NECTIN1: variants seen among roughly 807,000 people sequenced by gnomAD.
NECTIN1 encodes nectin cell adhesion molecule 1.
In NECTIN1, 23 loss-of-function variants were observed where a neutral mutation model predicts 48.0. The ratio of observed to expected loss-of-function variants is 0.48; its 90% confidence interval spans 0.34 to 0.68. The LOEUF is 0.68. Among genes scored for constraint, NECTIN1 ranks in the 30% least tolerant of loss-of-function variants. NECTIN1 has a pLI of 0.01. For missense variants in NECTIN1, 591 were observed against 709.9 expected, an observed-to-expected ratio of 0.83 and a Z score of 1.90; for synonymous variants, 270 against 288.9, an observed-to-expected ratio of 0.93 and a Z score of 0.66.
chr11:119,717,700 G>A lies in NECTIN1; in HGVS notation c.79+10775C>T, dbSNP rs80060286. ...GCCACTGATTCAAAACCCTCAAAGG[G>A]GCCCGGTCCCAGAGGGCAGAGGAGA... On this transcript the variant is annotated intron_variant, in intron 1 of 5. Coordinates refer to ENST00000264025, the MANE Select transcript of NECTIN1 (RefSeq NM_002855.5). Among the ~76,000 whole-genome samples the A allele has an allele frequency of 5.1e-3, 781 of 152,278 alleles. 4 individuals are homozygous for A. Among genetic ancestry groups the A allele is most frequent in the African/African-American group, 0.018 (756 of 41,546 alleles).
chr11:119,705,003 A>T (rs1284175750), intron 1 of NECTIN1, among the ~76,000 whole-genome samples: 1 of 152,242 alleles, frequency 6.6e-6, no homozygotes, highest in Non-Finnish European at 1.5e-5. Flanking sequence ...TCCTGACCTC[A>T]GAGAGTGCTA....
chr11:119,662,713 G>T lies in NECTIN1; in HGVS notation c.*2034C>A. 5 of 985,488 alleles carry T rather than the reference G, an allele frequency of 5.1e-6. No homozygotes were observed. Among genetic ancestry groups the T allele is most frequent in the Non-Finnish European group, 4.8e-6 (4 of 830,000 alleles). 61.0% of individuals were successfully genotyped at this position (985,488 alleles called of 1,614,324 possible). A position where few individuals can be genotyped will look rare whatever the true frequency, so the allele number is the denominator to read the frequency against. On this transcript the variant is annotated 3_prime_UTR_variant, in exon 6 of 6. Coordinates refer to ENST00000264025, the MANE Select transcript of NECTIN1 (RefSeq NM_002855.5). The surrounding 1 kb of genome is among the most constrained non-coding windows in gnomAD (Gnocchi z 5.3). ...TGGGGCAGTGATGTAATGTGGAAAA[G>T]GTCCCCTGTCCTGGGGGACACTAAT...
At chr11:119,707,350 G>A (rs1273276625) in intron 1 of NECTIN1, among the ~76,000 whole-genome samples, 1 of 152,024 alleles carries the variant, frequency 6.6e-6, no homozygotes, top group African/African-American at 2.4e-5. Context: ...TGTCTGCTGG[G>A]ATCACCCTAC....
At position 119,677,993 on chromosome 11, in the gene NECTIN1, C is replaced by A; in HGVS notation, c.431-136G>T. ...TCCCTGCCTCTCAGCTGTGCTGCAC[C>A]AAAGACTGTCCCAGAACCTCTTGCA... On this transcript the variant is annotated intron_variant, in intron 2 of 5. Coordinates refer to ENST00000264025, the MANE Select transcript of NECTIN1 (RefSeq NM_002855.5). This position sits in a 1 kb window ranked among gnomAD's most constrained non-coding sequence, Gnocchi z 5.4. 1 of 840,322 alleles carries A rather than the reference C, an allele frequency of 1.2e-6. No homozygotes were observed. The highest frequency in any genetic ancestry group is 2.0e-6 in the Non-Finnish European group (1 of 510,548). The allele number at this position is 840,322 out of a possible 1,614,324, so 52.1% of individuals were successfully genotyped here.
At chr11:119,723,195 G>A (rs891912201) in intron 1 of NECTIN1, among the ~76,000 whole-genome samples, 5 of 148,640 alleles carry the variant, frequency 3.4e-5, no homozygotes, top group African/African-American at 1.3e-4. Context: ...CTCCAGCCTG[G>A]GGGAGAGCGA....
rs1864759065 is a variant in NECTIN1 at position 119,665,797 on chromosome 11, G to A, written c.1004-500C>T. On this transcript the variant is annotated intron_variant, in intron 5 of 5. Transcript: ENST00000264025. The surrounding 1 kb of genome is among the most constrained non-coding windows in gnomAD (Gnocchi z 5.1). The stretch of plus-strand genomic sequence containing the variant: ...TGCTTCTCCTGCACATAGAACGTGT[G>A]CAAATGTCACTGATACCCCTCTGCC... Among the ~76,000 whole-genome samples the A allele has an allele frequency of 6.6e-6, 1 of 152,160 alleles. No individual in the cohort carries two copies. The highest frequency in any genetic ancestry group is 1.5e-5 in the Non-Finnish European group (1 of 68,040).
intron 7 of NECTIN1, among the ~76,000 whole-genome samples, chr11:119,638,429 C>G (rs565119701): frequency 2.6e-5 from 4 of 152,320 alleles, no homozygotes; most frequent in African/African-American, 9.6e-5. Flanking sequence ...TTTGCTGGCT[C>G]TAGCAGGGAC....
Position 119,714,532 on chromosome 11 carries a change from G to A in NECTIN1, c.79+13943C>T, listed in dbSNP as rs144209498. Among the ~76,000 whole-genome samples, 1,120 of 152,202 alleles carry A rather than the reference G, an allele frequency of 7.4e-3. 8 individuals are homozygous for A. Among genetic ancestry groups the A allele is most frequent in the African/African-American group, 0.026 (1,060 of 41,520 alleles). On this transcript the variant is annotated intron_variant, in intron 1 of 5. Coordinates refer to ENST00000264025, the MANE Select transcript of NECTIN1 (RefSeq NM_002855.5). ...GGTGGGGAGCACAGCCCAGCCCACC[G>A]CAGGGTGAACTGATGCAGGCAGAGG... is the stretch of plus-strand genomic sequence containing the variant.
At chr11:119,719,861 A>C (rs1220154914) in intron 1 of NECTIN1, among the ~76,000 whole-genome samples, 1 of 152,170 alleles carries the variant, frequency 6.6e-6, no homozygotes, top group Non-Finnish European at 1.5e-5. Flanking sequence ...AGATGAGAGA[A>C]GTTATCCTTA....
intron 1 of NECTIN1, among the ~76,000 whole-genome samples, chr11:119,694,608 G>A (rs1865311747): frequency 6.6e-6 from 1 of 152,220 alleles, no homozygotes; most frequent in Admixed American, 6.5e-5. Context: ...GGCCTGAAGT[G>A]ATGTGGGCTG....
At chr11:119,716,894 C>T (rs562977800) in intron 1 of NECTIN1, among the ~76,000 whole-genome samples, 11 of 152,384 alleles carry the variant, frequency 7.2e-5, no homozygotes, top group African/African-American at 2.4e-4. Flanking sequence ...CACGTGACCT[C>T]ATACACGCAC....
chr11:119,646,448 C>G (rs1458797448), intron 5 of NECTIN1, among the ~76,000 whole-genome samples: 3 of 152,212 alleles, frequency 2.0e-5, no homozygotes, highest in African/African-American at 7.2e-5. Flanking sequence ...TGGCCCATCC[C>G]CCCTCCGTAG....
Position 119,709,315 on chromosome 11 carries a change from CCT to C in NECTIN1, c.79+19158_79+19159del, listed in dbSNP as rs1055099101. 1.6e-4 allele frequency among the ~76,000 whole-genome samples: 24 copies of C among 152,298 alleles called. No individual in the cohort carries two copies. Among genetic ancestry groups the C allele is most frequent in the Non-Finnish European group, 2.9e-4 (20 of 68,024 alleles). On this transcript the variant is annotated intron_variant, in intron 1 of 5. Coordinates refer to ENST00000264025, the MANE Select transcript of NECTIN1 (RefSeq NM_002855.5). This position sits in a 1 kb window ranked among gnomAD's most constrained non-coding sequence, Gnocchi z 4.1. ...CAGTGTACCAGGGCCTGTCTCAGCC[CCT>C]GAGAATCTGGGATCACCAGCTCCAC...
intron 1 of NECTIN1, among the ~76,000 whole-genome samples, chr11:119,728,261 A>T (rs77630867): frequency 0.015 from 2,215 of 152,358 alleles, 27 homozygotes; most frequent in Non-Finnish European, 0.02. Context: ...CATGCTACAT[A>T]GAGACGTGCA....
chr11:119,654,941 C>G (rs1463638589), intron 5 of NECTIN1, among the ~76,000 whole-genome samples: 1 of 151,856 alleles, frequency 6.6e-6, no homozygotes, highest in African/African-American at 2.4e-5. Context: ...TGAAGTTTTA[C>G]TCTTGTTGCC....
intron 1 of NECTIN1, among the ~76,000 whole-genome samples, chr11:119,721,254 C>T (rs1312197312): frequency 1.3e-5 from 2 of 152,252 alleles, no homozygotes; most frequent in Non-Finnish European, 2.9e-5. Context: ...GTGTCCTCCT[C>T]TTCAGGCAGG....
At chr11:119,720,975 T>C (rs1865819141) in intron 1 of NECTIN1, among the ~76,000 whole-genome samples, 1 of 152,038 alleles carries the variant, frequency 6.6e-6, no homozygotes, top group African/African-American at 2.4e-5. Flanking sequence ...TGAGGGGAAA[T>C]GCTTCCTCTC....
intron 5 of NECTIN1, among the ~76,000 whole-genome samples, chr11:119,645,493 C>A (rs1276509424): frequency 6.6e-6 from 1 of 152,182 alleles, no homozygotes; most frequent in Non-Finnish European, 1.5e-5. Flanking sequence ...GGGGACCTTG[C>A]AGGCTGGCAG....
Position 119,665,041 on chromosome 11 carries a change from G to A in NECTIN1, c.1260C>T (p.Asp420=), listed in dbSNP as rs758988270. ...PPMAQNLQYP[D]DSDDEKKAGP... is the part of the protein sequence containing the mutation. ...CGGCCTTCTTCTCGTCGTCTGAGTC[G>A]TCGGGGTACTGCAGGTTCTGTGCCA... The change falls in exon 6 of 6, where the codon GAC becomes GAT. Residue 420 remains aspartate, a synonymous_variant. Transcript: ENST00000264025. This position sits in a 1 kb window ranked among gnomAD's most constrained non-coding sequence, Gnocchi z 5.1. The A allele has an allele frequency of 3.2e-5, 51 of 1,613,744 alleles. No individual in the cohort carries two copies. The highest frequency in any genetic ancestry group is 2.6e-4 in the South Asian group (24 of 91,078).
Sources: allele counts gnomAD v4.1 joint callset (sites outside exome capture counted in the v4.1 genomes callset), GRCh38; gene constraint gnomAD v4.1.1; non-coding constraint Gnocchi (gnomAD v3.1); transcripts MANE v1.5; gene names NCBI Gene and HGNC (gene_info 2026-07-23, HGNC 2026-07-21).